The following STPG2 variants were observed in gnomAD, a reference collection of about 807,000 sequenced individuals.
STPG2 encodes the protein sperm-tail PG-rich repeat-containing protein 2.
In STPG2, 56 loss-of-function variants were observed where a neutral mutation model predicts 54.2. The observed-to-expected ratio is 1.03, with a 90% CI of 0.83 to 1.29. The LOEUF is 1.29. Ranked by LOEUF, STPG2 falls within the 50% of genes most tolerant of loss-of-function variation. The pLI is 0.00. For synonymous variants in STPG2, 200 were observed against 181.8 expected (o/e 1.10, Z -0.81); for missense variants, 596 against 544.9 (o/e 1.09, Z -0.93).
intron 10 of STPG2, among the ~76,000 whole-genome samples, chr4:97,569,982 T>A (rs1163618361): frequency 1.3e-5 from 2 of 152,014 alleles, no homozygotes; most frequent in East Asian, 1.9e-4. Context: ...TACTTATATA[T>A]TACTCCAACA....
chr4:97,858,748 A>T (rs1415011305), intron 8 of STPG2, among the ~76,000 whole-genome samples: 3 of 152,152 alleles, frequency 2.0e-5, no homozygotes, highest in Non-Finnish European at 4.4e-5. Context: ...TTCATTGCTG[A>T]GTAGTATTCC....
chr4:98,130,090 CGT>C (rs1739942971), intron 2 of STPG2, among the ~76,000 whole-genome samples: 1 of 151,912 alleles, frequency 6.6e-6, no homozygotes, highest in Non-Finnish European at 1.5e-5. Context: ...GAACTCCTGA[CGT>C]CAGGTGATCC....
intron 8 of STPG2, chr4:97,916,393 A>G (rs910968428): frequency 1.4e-4 from 22 of 152,668 alleles, no homozygotes; most frequent in African/African-American, 5.1e-4. Context: ...TTTCCCCTGT[A>G]TCACATGAAG....
At chr4:97,861,710 T>G (rs557693502) in intron 8 of STPG2, among the ~76,000 whole-genome samples, 1 of 152,090 alleles carries the variant, frequency 6.6e-6, no homozygotes, top group Non-Finnish European at 1.5e-5. Context: ...CCCATCAGAC[T>G]AACAGCTGCT....
chr4:97,620,764 G>A (rs1014097165), intron 10 of STPG2, among the ~76,000 whole-genome samples: 1 of 152,040 alleles, frequency 6.6e-6, no homozygotes, highest in African/African-American at 2.4e-5. Context: ...AGGATATTCA[G>A]GACTTGAACT....
At chr4:98,010,960 A>AT (rs1277767582) in intron 5 of STPG2, among the ~76,000 whole-genome samples, 2 of 151,994 alleles carry the variant, frequency 1.3e-5, no homozygotes, top group Non-Finnish European at 1.5e-5. Context: ...TAACTTTGTA[A>AT]TTTTTTTATT....
intron 9 of STPG2, among the ~76,000 whole-genome samples, chr4:97,740,993 A>G (rs1047665154): frequency 9.9e-5 from 15 of 152,184 alleles, no homozygotes; most frequent in African/African-American, 3.6e-4. Flanking sequence ...CCAAAACAGC[A>G]TGGTACTGGT....
intron 8 of STPG2, among the ~76,000 whole-genome samples, chr4:97,892,618 T>C (rs932189700): frequency 6.6e-6 from 1 of 152,148 alleles, no homozygotes; most frequent in African/African-American, 2.4e-5. Context: ...ATAGTGACCT[T>C]TTCCTCATTT....
At chr4:98,031,866 G>A (rs1453250040) in intron 5 of STPG2, among the ~76,000 whole-genome samples, 1 of 151,876 alleles carries the variant, frequency 6.6e-6, no homozygotes, top group Non-Finnish European at 1.5e-5. Context: ...AAACAAGTCA[G>A]TAAGCAAAAA....
At position 97,444,377 on chromosome 4, in the gene STPG2, C is replaced by T. The variant is rs10005977; in HGVS notation, c.463-256544G>A. ...TTAGAGTAAAATTGACTTTTTTTAA[C>T]GCATAAAAAAGTTGTAAAAGCAGTC... On this transcript the variant is annotated intron_variant, in intron 4 of 4. Transcript: ENST00000522676. Among the ~76,000 whole-genome samples, 439 of 151,966 alleles carry T rather than the reference C, an allele frequency of 2.9e-3. 4 individuals carry two copies. The highest frequency in any genetic ancestry group is 9.6e-3 in the African/African-American group (399 of 41,456).
chr4:97,717,223 G>T (rs1304744550), intron 9 of STPG2, among the ~76,000 whole-genome samples: 1 of 152,102 alleles, frequency 6.6e-6, no homozygotes, highest in African/African-American at 2.4e-5. Flanking sequence ...TAAACAAAAT[G>T]TCCATGTTTA....
intron 8 of STPG2, among the ~76,000 whole-genome samples, chr4:97,860,390 T>C (rs997318578): frequency 2.0e-5 from 3 of 152,080 alleles, no homozygotes; most frequent in African/African-American, 7.2e-5. Flanking sequence ...CTTTGTGTCA[T>C]CTATGATTTT....
At position 98,109,737 on chromosome 4, in the gene STPG2, T is replaced by C. The variant is rs138544920; in HGVS notation, c.388-432A>G. Among the ~76,000 whole-genome samples the C allele has an allele frequency of 3.6e-3, 543 of 152,294 alleles. 2 individuals carry two copies. The highest frequency in any genetic ancestry group is 0.012 in the African/African-American group (513 of 41,576). ...GCAAACATCACCAATGGTCATTACA[T>C]AACTTCATATTAATGTAACCTTTAA... On this transcript the variant is annotated intron_variant, in intron 3 of 10. Coordinates refer to ENST00000295268, the MANE Select transcript of STPG2 (RefSeq NM_174952.3).
intron 4 of STPG2, among the ~76,000 whole-genome samples, chr4:97,538,093 A>G (rs1049356733): frequency 3.9e-5 from 6 of 152,186 alleles, no homozygotes; most frequent in African/African-American, 1.4e-4. Flanking sequence ...AAAGATGGGG[A>G]AAAAACAAAA....
chr4:97,896,756 A>G (rs527505890), intron 8 of STPG2, among the ~76,000 whole-genome samples: 6 of 151,948 alleles, frequency 3.9e-5, no homozygotes, highest in African/African-American at 1.4e-4. Flanking sequence ...TATAGCATAA[A>G]ATGTTTATGA....
rs545224539 is a variant in STPG2, at chr4:98,022,805, C to T, written c.613-41487G>A. 1.5e-4 allele frequency among the ~76,000 whole-genome samples: 23 copies of T among 152,282 alleles called. No homozygotes were observed. The East Asian group carries it at 2.5e-3, about 17-fold the overall frequency. The stretch of plus-strand genomic sequence containing the variant: ...ACTGATACCCTTTCTTCCAGTTGAT[C>T]GCATCGGCTCCTGAGGCTTCTGCAT... On this transcript the variant is annotated intron_variant, in intron 5 of 10. Coordinates refer to ENST00000295268, the MANE Select transcript of STPG2 (RefSeq NM_174952.3).
chr4:97,573,979 AG>A, intron 10 of STPG2, among the ~76,000 whole-genome samples: 1 of 152,196 alleles, frequency 6.6e-6, no homozygotes, highest in Non-Finnish European at 1.5e-5. Context: ...AAGATAATGA[AG>A]GAATTGTTAA....
intron 10 of STPG2, among the ~76,000 whole-genome samples, chr4:97,587,121 A>AT (rs1733021286): frequency 1.3e-5 from 2 of 152,062 alleles, no homozygotes; most frequent in East Asian, 3.9e-4. Flanking sequence ...TGTCCATTGT[A>AT]TTTTTCAGAA....
chr4:97,949,497 T>A (rs1022643024), intron 7 of STPG2, among the ~76,000 whole-genome samples: 4 of 152,206 alleles, frequency 2.6e-5, no homozygotes, highest in Non-Finnish European at 5.9e-5. Flanking sequence ...TATTGTTTTA[T>A]AGGCCGTGTG....
Sources: allele counts gnomAD v4.1 joint callset (sites outside exome capture counted in the v4.1 genomes callset), GRCh38; gene constraint gnomAD v4.1.1; transcripts MANE v1.5; gene names NCBI Gene and HGNC (gene_info 2026-07-23, HGNC 2026-07-21).